The following VPS13D variants were observed in gnomAD, a reference collection of about 807,000 sequenced individuals.
The protein encoded by VPS13D is intermembrane lipid transfer protein VPS13D.
Under a neutral mutation model 461.9 loss-of-function variants are expected in VPS13D, and 187 were observed. That is an observed-to-expected ratio of 0.40 (90% CI 0.36 to 0.46). The LOEUF (loss-of-function observed/expected upper bound fraction) is 0.46, where lower values mean the gene tolerates loss of function less well. Ranked by LOEUF, VPS13D falls within the 20% of genes least tolerant of loss-of-function variation. VPS13D has a pLI of 0.60. For missense variants in VPS13D, 4,711 were observed against 5,364.9 expected (o/e 0.88, Z 3.81); for synonymous variants, 1,951 against 1,986.3 (o/e 0.98, Z 0.47).
At chr1:12,303,877 G>T (rs970444184) in intron 25 of VPS13D, among the ~76,000 whole-genome samples, 1 of 152,204 alleles carries the variant, frequency 6.6e-6, no homozygotes, top group Non-Finnish European at 1.5e-5. Context: ...CCGAATGAAG[G>T]TACTAAGTGT....
chr1:12,416,421 A>G (rs1275096543), intron 64 of VPS13D, among the ~76,000 whole-genome samples: 11 of 152,190 alleles, frequency 7.2e-5, no homozygotes, highest in Non-Finnish European at 1.0e-4. Flanking sequence ...TTATTCTTCT[A>G]ACTGGCTTGG....
rs781258396 is a variant in VPS13D, at chr1:12,507,326, G to A, written c.13035+233G>A. 5.0e-5 allele frequency: 38 copies of A among 764,014 alleles called. 1 individual carries two copies. The highest frequency in any genetic ancestry group is 1.5e-4 in the South Asian group (11 of 74,090). 47.3% of individuals were successfully genotyped at this position (764,014 alleles called of 1,614,324 possible). A position where few individuals can be genotyped will look rare whatever the true frequency, so the allele number is the denominator to read the frequency against. On this transcript the variant is annotated intron_variant, in intron 69 of 69. Transcript: ENST00000620676. The surrounding 1 kb of genome is among the most constrained non-coding windows in gnomAD (Gnocchi z 5.3). ...CTGGGAACATTAACTGCCTCACAAC[G>A]TTTGTGCCTCAGTTACCCGTAGATG...
At position 12,401,140 on chromosome 1, in the gene VPS13D, C is replaced by T. The variant is rs554988772; in HGVS notation, c.11785-468C>T. Among the ~76,000 whole-genome samples, 7 of 152,298 alleles carry T rather than the reference C, an allele frequency of 4.6e-5. No individual in the cohort carries two copies. The South Asian group carries it at 8.3e-4, about 18-fold the overall frequency. On this transcript the variant is annotated intron_variant, in intron 61 of 69. Coordinates refer to ENST00000620676, the MANE Select transcript of VPS13D (RefSeq NM_015378.4). ...ACTTTCTTTCTTGGAGGAGTCTCCA[C>T]GCACAAGCTAGCTGTTCCAGCAGCA...
intron 68 of VPS13D, among the ~76,000 whole-genome samples, chr1:12,506,006 C>T (rs1176292765): frequency 2.6e-5 from 4 of 152,186 alleles, no homozygotes; most frequent in Non-Finnish European, 5.9e-5. Context: ...AGCAGGAGCT[C>T]GACTGCCACT....
At chr1:12,333,472 C>A in intron 38 of VPS13D, 106 bp downstream of exon 38, 2 of 1,373,184 alleles carry the variant, frequency 1.5e-6, no homozygotes, top group Non-Finnish European at 2.0e-6. Context: ...CTGTACCAGG[C>A]ATCACTTCTT....
rs1425870858 is a variant in VPS13D, at chr1:12,502,597, G to A, written c.12795-4256G>A. Among the ~76,000 whole-genome samples the A allele has an allele frequency of 6.6e-6, 1 of 150,902 alleles. No homozygotes were observed. Among genetic ancestry groups the A allele is most frequent in the Non-Finnish European group, 1.5e-5 (1 of 67,874 alleles). On this transcript the variant is annotated intron_variant, in intron 68 of 69. Transcript: ENST00000620676. The surrounding 1 kb of genome is among the most constrained non-coding windows in gnomAD (Gnocchi z 4.3). ...TGAGTCAGGCTTCTGATTTTGAAAT[G>A]ACTCCAGAGGGAGTAGAATCAGGTA...
At chr1:12,348,630 A>T (rs1004009290) in intron 44 of VPS13D, among the ~76,000 whole-genome samples, 193 bp from the exon 45 acceptor site, 1 of 148,968 alleles carries the variant, frequency 6.7e-6, no homozygotes, top group African/African-American at 2.5e-5. Context: ...ACTTTTTAGA[A>T]TTTTTTTTTT....
intron 67 of VPS13D, among the ~76,000 whole-genome samples, chr1:12,464,303 C>T (rs896649784): frequency 6.6e-6 from 1 of 152,186 alleles, no homozygotes; most frequent in Non-Finnish European, 1.5e-5. Flanking sequence ...GGGACCAAGC[C>T]AGGAATAGAA....
intron 65 of VPS13D, among the ~76,000 whole-genome samples, chr1:12,450,794 A>T (rs1645253757): frequency 6.6e-6 from 1 of 152,202 alleles, no homozygotes; most frequent in Non-Finnish European, 1.5e-5. Flanking sequence ...ACGTAATCCC[A>T]TCATAAGTCA....
intron 67 of VPS13D, among the ~76,000 whole-genome samples, chr1:12,487,304 G>A (rs184702896): frequency 6.3e-4 from 96 of 152,114 alleles, no homozygotes; most frequent in African/African-American, 2.1e-3. Context: ...GTGAACAGGC[G>A]GTCTTGAAAA....
chr1:12,390,543 G>C (rs1356605017), intron 60 of VPS13D, among the ~76,000 whole-genome samples: 2 of 152,192 alleles, frequency 1.3e-5, no homozygotes, highest in African/African-American at 4.8e-5. Context: ...GTCCACAGAG[G>C]TAGTCTTGGC....
In VPS13D at chr1:12,258,041, G is replaced by GT. The variant is rs1376289033; in HGVS notation, c.1049dup (p.Ser351IlefsTer4). Reference sequence around the variant, plus strand: ...TATGTTGCACCGCGCTCGTGATGCTGTATCTTACACTGACAAATATTTCAA... The same window carrying GT: ...TATGTTGCACCGCGCTCGTGATGCTGTTATCTTACACTGACAAATATTTCAA... On this transcript the variant is annotated frameshift_variant, in exon 10 of 70. Transcript: ENST00000620676. LOFTEE classifies it high-confidence loss of function. 6.2e-7 allele frequency: 1 copy of GT among 1,614,100 alleles called. No individual in the cohort carries two copies. The highest frequency in any genetic ancestry group is 8.5e-7 in the Non-Finnish European group (1 of 1,180,056).
chr1:12,358,470 G>A lies in VPS13D; in HGVS notation c.10010G>A (p.Arg3337Lys). 8 of 1,614,164 alleles carry A rather than the reference G, an allele frequency of 5.0e-6. No homozygotes were observed. Among genetic ancestry groups the A allele is most frequent in the Middle Eastern group, 3.3e-4 (2 of 6,062 alleles). ...TTTCTGCCCCACAGCTGCACGATGA[G>A]AATCGGAAGGGGGATTCATCCAGAA... is the stretch of plus-strand genomic sequence containing the variant. The part of the protein sequence containing the change: ...DKEQPNLCTM[R>K]IGRGIHPEGM... The change falls in exon 50 of 70, where the codon AGA becomes AAA. Residue 3337 changes from arginine to lysine, a missense_variant. Around this residue, in one of 3 missense-constraint regions of VPS13D, gnomAD observed 4,411 missense variants for 4,937.8 expected, o/e 0.89. Transcript: ENST00000620676.
chr1:12,373,709 A>G, intron 54 of VPS13D, 41 bp from the exon 55 acceptor site: 1 of 1,202,736 alleles, frequency 8.3e-7, no homozygotes, highest in African/African-American at 1.6e-5. Flanking sequence ...GTATACCTGT[A>G]TATATATTTT....
At chr1:12,293,375 T>C in intron 23 of VPS13D, 149 bp from the exon 24 acceptor site, 1 of 696,904 alleles carries the variant, frequency 1.4e-6, no homozygotes, top group South Asian at 2.2e-5. Context: ...GGAGTAATTA[T>C]TAGAGTTTGC....
At chr1:12,409,491 T>C in intron 63 of VPS13D, among the ~76,000 whole-genome samples, 1 of 152,302 alleles carries the variant, frequency 6.6e-6, no homozygotes, top group East Asian at 1.9e-4. Flanking sequence ...GTGGGGAGTA[T>C]ATAGACTTTT....
At chr1:12,451,129 G>T (rs1645257607) in intron 65 of VPS13D, among the ~76,000 whole-genome samples, 3 of 152,192 alleles carry the variant, frequency 2.0e-5, no homozygotes, top group Admixed American at 2.0e-4. Flanking sequence ...AACACAGTGT[G>T]AATTTTTTCC....
chr1:12,329,753 T>G, intron 36 of VPS13D, 76 bp from the exon 37 acceptor site: 1 of 1,043,956 alleles, frequency 9.6e-7, no homozygotes, highest in Non-Finnish European at 1.5e-6. Flanking sequence ...CTCTAATGTT[T>G]CTTTAATGTC....
chr1:12,326,458 C>T (rs1643190889), intron 35 of VPS13D, among the ~76,000 whole-genome samples: 1 of 151,528 alleles, frequency 6.6e-6, no homozygotes, highest in Non-Finnish European at 1.5e-5. Context: ...CCACCTAAGC[C>T]TCCTGAGTAG....
Sources: gnomAD v4.1 joint callset for allele counts (sites outside exome capture counted in the v4.1 genomes callset) on GRCh38, gnomAD v4.1.1 for gene constraint, gnomAD v4.1.1 regional missense constraint, Gnocchi (gnomAD v3.1) non-coding constraint, MANE v1.5 for transcripts, NCBI Gene and HGNC (gene_info 2026-07-23, HGNC 2026-07-21) for gene names.